ADI1: variants seen among roughly 807,000 people sequenced by gnomAD.
The protein encoded by ADI1 is acireductone dioxygenase.
ADI1 carries 21 observed loss-of-function variants against 18.7 expected under a neutral mutation model. That is an observed-to-expected ratio of 1.13 (90% CI 0.80 to 1.62). The LOEUF is 1.62. ADI1 is among the 40% of genes most tolerant of loss of function. The pLI is 0.00. For synonymous variants in ADI1, 90 were observed against 100.1 expected (o/e 0.90, Z 0.60); for missense variants, 245 against 254.9 (o/e 0.96, Z 0.26).
chr2:3,501,089 G>T, intron 2 of ADI1, 96 bp from the exon 3 acceptor site: 1 of 1,121,656 alleles, frequency 8.9e-7, no homozygotes, highest in Non-Finnish European at 1.2e-6. Context: ...GTGGGCCAGA[G>T]CTGAGGTGAA....
In ADI1 at chr2:3,506,341, AT is replaced by A. The variant is rs539093534; in HGVS notation, c.241-5349del. 3.1e-3 allele frequency among the ~76,000 whole-genome samples: 474 copies of A among 152,380 alleles called. 1 individual carries two copies. Among genetic ancestry groups the A allele is most frequent in the Non-Finnish European group, 4.5e-3 (308 of 68,030 alleles). On this transcript the variant is annotated intron_variant, in intron 2 of 3. Transcript: ENST00000327435. Reference sequence around the variant, plus strand: ...GAAAAGCTCCTGGAACTAACAAGCAATCATGGCAAGTTTGCAGGATACAGGG... The same window carrying A: ...GAAAAGCTCCTGGAACTAACAAGCAACATGGCAAGTTTGCAGGATACAGGG...
intron 2 of ADI1, among the ~76,000 whole-genome samples, chr2:3,513,647 T>C (rs539588957): frequency 2.0e-5 from 3 of 152,200 alleles, no homozygotes; most frequent in Non-Finnish European, 4.4e-5. Flanking sequence ...CAGATGGTGG[T>C]GACAGGAAGC....
At chr2:3,511,885 G>T (rs1487311652) in intron 2 of ADI1, among the ~76,000 whole-genome samples, 1 of 152,216 alleles carries the variant, frequency 6.6e-6, no homozygotes, top group Non-Finnish European at 1.5e-5. Flanking sequence ...AACATCACAC[G>T]TTTGCCTCAG....
At chr2:3,518,895 C>CA (rs1219839184) in intron 1 of ADI1, among the ~76,000 whole-genome samples, 1 of 152,232 alleles carries the variant, frequency 6.6e-6, no homozygotes, top group Non-Finnish European at 1.5e-5. Flanking sequence ...TGCGCGTGCG[C>CA]AGCGAGTCCC....
In ADI1 at chr2:3,498,675, C is replaced by T. The variant is rs1258324586; in HGVS notation, c.*288G>A. The stretch of plus-strand genomic sequence containing the variant: ...GATGGGCATCTAAGGAACTGCATTT[C>T]GGGAGATGAAACTTTCATTTGGGAC... On this transcript the variant is annotated 3_prime_UTR_variant, in exon 4 of 4. Transcript: ENST00000327435. 2 of 314,950 alleles carry T rather than the reference C, an allele frequency of 6.4e-6. No individual in the cohort carries two copies. The highest frequency in any genetic ancestry group is 1.1e-5 in the Non-Finnish European group (2 of 174,760). 19.5% of individuals were successfully genotyped at this position (314,950 alleles called of 1,614,324 possible).
chr2:3,505,333 C>T (rs1017448745), intron 2 of ADI1, among the ~76,000 whole-genome samples: 8 of 152,154 alleles, frequency 5.3e-5, no homozygotes, highest in Admixed American at 1.3e-4. Context: ...AGCAGAAACC[C>T]CTATGGGAAG....
intron 2 of ADI1, among the ~76,000 whole-genome samples, chr2:3,504,059 C>G (rs777581630): frequency 2.0e-5 from 3 of 152,150 alleles, no homozygotes; most frequent in Admixed American, 6.5e-5. Flanking sequence ...TATTCATGGT[C>G]TAAAAGTAAC....
At chr2:3,513,392 T>G (rs1667330015) in intron 2 of ADI1, among the ~76,000 whole-genome samples, 1 of 152,212 alleles carries the variant, frequency 6.6e-6, no homozygotes, top group African/African-American at 2.4e-5. Flanking sequence ...TATTGAAATG[T>G]AATCCCCAGT....
intron 1 of ADI1, chr2:3,516,909 CTTT>C (rs10656904): frequency 4.1e-6 from 4 of 984,798 alleles, no homozygotes; most frequent in Non-Finnish European, 3.6e-6. Flanking sequence ...GTGTGTGTGG[CTTT>C]TTTGTTTTTT....
In ADI1 at chr2:3,499,215, A is replaced by G. The variant is rs1295935516; in HGVS notation, c.421-133T>C. The G allele has an allele frequency of 1.2e-5, 17 of 1,392,390 alleles. No homozygotes were observed. In the African/African-American group the frequency reaches 2.2e-4, roughly 18 times the overall value. 86.3% of individuals were successfully genotyped at this position (1,392,390 alleles called of 1,614,324 possible). On this transcript the variant is annotated intron_variant, in intron 3 of 3. Coordinates refer to ENST00000327435, the MANE Select transcript of ADI1 (RefSeq NM_018269.4). The stretch of plus-strand genomic sequence containing the variant: ...TTGCTATTTTTATTCTGCGTCTTTA[A>G]CAATTTAGGCCACATTTTATTCGTG...
intron 1 of ADI1, among the ~76,000 whole-genome samples, chr2:3,518,731 C>T (rs1667463014): frequency 6.6e-6 from 1 of 152,204 alleles, no homozygotes; most frequent in African/African-American, 2.4e-5. Context: ...AGTCCCCCTT[C>T]CTCCGATAGA....
intron 1 of ADI1, 77 bp from the exon 2 acceptor site, chr2:3,514,053 A>G (rs1667346820): frequency 6.7e-7 from 1 of 1,487,084 alleles, no homozygotes; most frequent in African/African-American, 1.4e-5. Flanking sequence ...CTGGATCTCC[A>G]ATATGATTTT....
intron 2 of ADI1, among the ~76,000 whole-genome samples, chr2:3,503,866 A>T (rs1667108990): frequency 2.0e-5 from 3 of 152,190 alleles, no homozygotes. Context: ...AACAAGTGAG[A>T]CAAGAAGGCC....
At chr2:3,518,251 T>C (rs921327467) in intron 1 of ADI1, among the ~76,000 whole-genome samples, 40 of 152,346 alleles carry the variant, frequency 2.6e-4, no homozygotes, top group African/African-American at 9.4e-4. Flanking sequence ...TTATTTAGGA[T>C]AGAACAAGAT....
intron 2 of ADI1, among the ~76,000 whole-genome samples, chr2:3,512,007 A>G (rs1667303988): frequency 1.3e-5 from 2 of 152,252 alleles, no homozygotes; most frequent in African/African-American, 4.8e-5. Context: ...AAAGTGTTCA[A>G]GATGTTTCCT....
At chr2:3,505,572 T>A (rs1004020013) in intron 2 of ADI1, among the ~76,000 whole-genome samples, 1 of 152,168 alleles carries the variant, frequency 6.6e-6, no homozygotes, top group African/African-American at 2.4e-5. Context: ...TCAGGATACA[T>A]CTGAAATCTC....
intron 1 of ADI1, among the ~76,000 whole-genome samples, chr2:3,514,610 A>T (rs1288196345): frequency 1.3e-5 from 2 of 152,200 alleles, no homozygotes; most frequent in Non-Finnish European, 2.9e-5. Context: ...TTCTATGCCT[A>T]AAATTCCCAT....
intron 2 of ADI1, among the ~76,000 whole-genome samples, chr2:3,502,980 T>G (rs374645271): frequency 4.1e-4 from 63 of 152,010 alleles, no homozygotes; most frequent in African/African-American, 1.5e-3. Flanking sequence ...CAAATACTGA[T>G]GAGGAAGGCA....
At chr2:3,501,411 C>T (rs1366621629) in intron 2 of ADI1, among the ~76,000 whole-genome samples, 1 of 152,246 alleles carries the variant, frequency 6.6e-6, no homozygotes, top group East Asian at 1.9e-4. Flanking sequence ...TGCTCACACC[C>T]ACCCAGTGTG....
Sources: allele counts gnomAD v4.1 joint callset (sites outside exome capture counted in the v4.1 genomes callset), GRCh38; gene constraint gnomAD v4.1.1; transcripts MANE v1.5; gene names NCBI Gene and HGNC (gene_info 2026-07-23, HGNC 2026-07-21).